Variants in CCDC191 observed in about 807,000 individuals in gnomAD.
The protein encoded by CCDC191 is coiled-coil domain containing 191.
Under a neutral mutation model 114.0 loss-of-function variants are expected in CCDC191, and 99 were observed. The observed-to-expected ratio is 0.87, with a 90% confidence interval of 0.74 to 1.03. The LOEUF is 1.03. Ranked by LOEUF, CCDC191 falls within the 50% of genes least tolerant of loss-of-function variation. The probability of loss-of-function intolerance (pLI) is 0.00; values close to 1 mark genes in which losing one functional copy is unlikely to be tolerated. For missense variants in CCDC191, 973 were observed against 1,087.0 expected, an observed-to-expected ratio of 0.90 and a Z score of 1.47; for synonymous variants, 351 against 376.0, an observed-to-expected ratio of 0.93 and a Z score of 0.77.
rs568005288 is a variant in CCDC191, at chr3:113,998,167, G to C, written c.2163+3428C>G. Among the ~76,000 whole-genome samples the C allele has an allele frequency of 1.1e-4, 17 of 151,890 alleles. 1 individual carries two copies. In the South Asian group the frequency reaches 3.5e-3, roughly 32 times the overall value. On this transcript the variant is annotated intron_variant, in intron 13 of 16. Transcript: ENST00000295878. ...CTAAAAATACAAAAATTAGCCAGGC[G>C]TGGTGGTGCATGACTGTAATCCCAG...
intron 13 of CCDC191, among the ~76,000 whole-genome samples, chr3:113,986,671 T>C (rs376600682): frequency 2.0e-5 from 3 of 152,216 alleles, no homozygotes; most frequent in African/African-American, 7.2e-5. Context: ...AGTGTGGCTG[T>C]ATTTGAACAT....
At chr3:114,025,269 A>AC (rs2076304360) in intron 7 of CCDC191, among the ~76,000 whole-genome samples, 1 of 151,764 alleles carries the variant, frequency 6.6e-6, no homozygotes. Context: ...CAAAAAAAAA[A>AC]AAAACAAAAC....
Position 114,010,855 on chromosome 3 carries a change from T to C in CCDC191, c.1330A>G (p.Lys444Glu), listed in dbSNP as rs1276729100. 22 of 1,613,936 alleles carry C rather than the reference T, an allele frequency of 1.4e-5. No homozygotes were observed. The highest frequency in any genetic ancestry group is 1.9e-5 in the Non-Finnish European group (22 of 1,179,900). Residue 444 changes from lysine to glutamate, a missense_variant, in exon 9 of 17, where the codon AAA becomes GAA. Physicochemically the swap from Lys to Glu is moderately conservative, Grantham distance 56. Transcript: ENST00000295878. ...CCTGATAACCCATTGGCACTGAGTT[T>C]CCCCAGTGATGCTGCCTGCAGCAGT... ...DALLQAASLG[K>E]LSANGLSGIS...
At chr3:113,998,969 A>G (rs746459288) in intron 13 of CCDC191, among the ~76,000 whole-genome samples, 27 of 152,204 alleles carry the variant, frequency 1.8e-4, no homozygotes, top group Non-Finnish European at 3.8e-4. Flanking sequence ...CCTACCATCC[A>G]GAACCAGGTG....
chr3:114,003,030 G>A (rs2075883868), intron 11 of CCDC191: 11 of 985,132 alleles, frequency 1.1e-5, no homozygotes, highest in African/African-American at 1.7e-5. Flanking sequence ...TAAAGTTTGG[G>A]GTCACGATGA....
intron 13 of CCDC191, among the ~76,000 whole-genome samples, chr3:113,987,450 G>C (rs1439427703): frequency 6.6e-6 from 1 of 152,096 alleles, no homozygotes; most frequent in African/African-American, 2.4e-5. Flanking sequence ...GCTATTTATA[G>C]TATACATAAA....
intron 2 of CCDC191, among the ~76,000 whole-genome samples, chr3:114,053,378 C>A (rs2076722432): frequency 6.6e-6 from 1 of 152,150 alleles, no homozygotes; most frequent in African/African-American, 2.4e-5. Context: ...GAAGTCTACA[C>A]ACCTGTTTTC....
chr3:113,985,398 T>C (rs558685723), intron 13 of CCDC191, among the ~76,000 whole-genome samples: 8 of 152,066 alleles, frequency 5.3e-5, no homozygotes, highest in Non-Finnish European at 1.2e-4. Context: ...CACTTAGGGG[T>C]TGGGGAAGCC....
At chr3:114,030,226 A>G (rs533739229) in intron 7 of CCDC191, among the ~76,000 whole-genome samples, 13 of 152,172 alleles carry the variant, frequency 8.5e-5, no homozygotes, top group Non-Finnish European at 1.3e-4. Context: ...GTAAAACTGC[A>G]TATGTGTCTA....
At chr3:114,038,541 A>G (rs866317866) in intron 4 of CCDC191, among the ~76,000 whole-genome samples, 13 of 152,272 alleles carry the variant, frequency 8.5e-5, no homozygotes, top group African/African-American at 2.9e-4. Context: ...GGTTGATTCC[A>G]TGTCTTTGCT....
chr3:113,980,893 T>A (rs1288314399), intron 13 of CCDC191, 100 bp from the exon 14 acceptor site: 1 of 1,097,206 alleles, frequency 9.1e-7, no homozygotes, highest in African/African-American at 1.6e-5. Context: ...AACCATTGAA[T>A]GGTGTGTTAA....
At chr3:114,047,581 T>A (rs573975655) in intron 2 of CCDC191, among the ~76,000 whole-genome samples, 1 of 152,172 alleles carries the variant, frequency 6.6e-6, no homozygotes, top group Non-Finnish European at 1.5e-5. Context: ...GAGGAATCGC[T>A]TGAGCCCAGA....
intron 9 of CCDC191, among the ~76,000 whole-genome samples, chr3:114,008,520 A>AG (rs1282278913): frequency 6.6e-6 from 1 of 151,912 alleles, no homozygotes. Context: ...GGTGGAGGTG[A>AG]GGGGGTAGAA....
At chr3:114,026,538 G>C (rs2076323663) in intron 7 of CCDC191, among the ~76,000 whole-genome samples, 1 of 152,166 alleles carries the variant, frequency 6.6e-6, no homozygotes, top group South Asian at 2.1e-4. Flanking sequence ...AGAAAACATT[G>C]CTGAGAGGAT....
At chr3:114,045,403 G>A (rs754450556) in intron 3 of CCDC191, among the ~76,000 whole-genome samples, 6 of 151,672 alleles carry the variant, frequency 4.0e-5, no homozygotes, top group Non-Finnish European at 7.4e-5. Context: ...ATGGAGTCTC[G>A]CTCTGTCACC....
At position 113,965,339 on chromosome 3, in the gene CCDC191, A is replaced by T; in HGVS notation, c.2627T>A (p.Leu876His). The change falls in exon 17 of 17, where the codon CTT becomes CAT. Residue 876 changes from leucine to histidine, a missense_variant. Coordinates refer to ENST00000295878, the MANE Select transcript of CCDC191 (RefSeq NM_020817.2). ...HSDRRILWITLRTWKKFVKFM... is the reference protein window; with the variant it reads ...HSDRRILWITHRTWKKFVKFM... ...TTTTACAAACTTCTTCCATGTCCGA[A>T]GGGTGATCCAGAGGATCCTCCTTTA... is the stretch of plus-strand genomic sequence containing the variant. 5 of 1,590,788 alleles carry T rather than the reference A, an allele frequency of 3.1e-6. No homozygotes were observed. The highest frequency in any genetic ancestry group is 4.3e-6 in the Non-Finnish European group (5 of 1,170,696).
At chr3:113,999,947 T>C (rs192346546) in intron 13 of CCDC191, among the ~76,000 whole-genome samples, 32 of 152,324 alleles carry the variant, frequency 2.1e-4, no homozygotes, top group Admixed American at 7.2e-4. Flanking sequence ...TAGTATGTTT[T>C]TAGTTGTATG....
intron 2 of CCDC191, among the ~76,000 whole-genome samples, chr3:114,047,374 A>T (rs192037956): frequency 1.3e-3 from 198 of 152,316 alleles, no homozygotes; most frequent in Middle Eastern, 3.4e-3. Context: ...AAAAACGCTT[A>T]TATTAGGCTG....
chr3:113,972,878 C>T (rs1940962792), intron 16 of CCDC191, among the ~76,000 whole-genome samples: 1 of 152,036 alleles, frequency 6.6e-6, no homozygotes, highest in Non-Finnish European at 1.5e-5. Context: ...TATAGCTATT[C>T]CTGCTGTGTT....
Sources: allele counts gnomAD v4.1 joint callset (sites outside exome capture counted in the v4.1 genomes callset), GRCh38; gene constraint gnomAD v4.1.1; transcripts MANE v1.5; gene names NCBI Gene and HGNC (gene_info 2026-07-23, HGNC 2026-07-21).